ELF1: variants seen among roughly 807,000 people sequenced by gnomAD.
The protein encoded by ELF1 is ETS-related transcription factor Elf-1.
ELF1 carries 24 observed loss-of-function variants against 59.9 expected under a neutral mutation model. That is an observed-to-expected ratio of 0.40 (90% CI 0.29 to 0.56). ELF1 has a LOEUF of 0.56. Ranked by LOEUF, ELF1 falls within the 20% of genes least tolerant of loss-of-function variation. The pLI is 0.44. For missense variants in ELF1, 627 were observed against 742.2 expected (o/e 0.84, Z 1.80); for synonymous variants, 248 against 266.2 (o/e 0.93, Z 0.67).
Position 41,019,254 on chromosome 13 carries a change from T to C in ELF1, c.-255A>G. 2 of 985,426 alleles carry C rather than the reference T, an allele frequency of 2.0e-6. No individual in the cohort carries two copies. The highest frequency in any genetic ancestry group is 2.4e-6 in the Non-Finnish European group (2 of 829,936). The allele number at this position is 985,426 out of a possible 1,614,324, so 61.0% of individuals were successfully genotyped here. ...TTCAAGTATTCTTTCTCTATCGTCT[T>C]TTGAGCTTGAAAATAAAAAGCAATC... On this transcript the variant is annotated 5_prime_UTR_variant, in exon 1 of 9. Coordinates refer to ENST00000239882, the MANE Select transcript of ELF1 (RefSeq NM_172373.4).
intron 1 of ELF1, among the ~76,000 whole-genome samples, chr13:41,049,267 CT>C (rs1714128996): frequency 6.6e-6 from 1 of 152,160 alleles, no homozygotes; most frequent in South Asian, 2.1e-4. Context: ...TGACAATTCT[CT>C]TAAGTTCACC....
intron 4 of ELF1, among the ~76,000 whole-genome samples, chr13:40,950,350 T>A (rs1335335614): frequency 6.6e-6 from 1 of 152,084 alleles, no homozygotes. Flanking sequence ...AACAAAAAAA[T>A]AATCACAACC....
intron 1 of ELF1, among the ~76,000 whole-genome samples, chr13:41,057,973 G>A (rs1877350266): frequency 1.3e-5 from 2 of 152,238 alleles, no homozygotes; most frequent in Admixed American, 1.3e-4. Flanking sequence ...CCTATAAAGT[G>A]AATTCTAATT....
intron 1 of ELF1, among the ~76,000 whole-genome samples, chr13:41,059,439 CTTTT>C (rs987597811): frequency 2.6e-5 from 4 of 152,152 alleles, no homozygotes; most frequent in African/African-American, 9.7e-5. Flanking sequence ...CTTTTTCTTT[CTTTT>C]TAACAAGGTA....
intron 8 of ELF1, among the ~76,000 whole-genome samples, chr13:40,938,068 C>T (rs1249862155): frequency 1.3e-5 from 2 of 152,132 alleles, no homozygotes; most frequent in Admixed American, 6.5e-5. Context: ...CCACCCGCCT[C>T]GGCCTCCCAA....
At chr13:40,959,727 CT>C (rs1310745275) in intron 2 of ELF1, among the ~76,000 whole-genome samples, 2 of 151,592 alleles carry the variant, frequency 1.3e-5, no homozygotes, top group Non-Finnish European at 1.5e-5. Context: ...TATTATTGTT[CT>C]TTTCAAGTAT....
At position 40,950,482 on chromosome 13, in the gene ELF1, G is replaced by T. The variant is rs542452476; in HGVS notation, c.362-509C>A. On this transcript the variant is annotated intron_variant, in intron 4 of 8. Transcript: ENST00000239882. Reference sequence around the variant, plus strand: ...CACACCAAAACATCTTGATCTCAAAGATTTCATTCATTTTTTTTTTAACAG... The same window carrying T: ...CACACCAAAACATCTTGATCTCAAATATTTCATTCATTTTTTTTTTAACAG... Among the ~76,000 whole-genome samples, 6 of 145,726 alleles carry T rather than the reference G, an allele frequency of 4.1e-5. No homozygotes were observed. The South Asian group carries it at 1.1e-3, about 26-fold the overall frequency.
At chr13:41,025,540 A>G (rs1486634901) in intron 1 of ELF1, among the ~76,000 whole-genome samples, 1 of 152,200 alleles carries the variant, frequency 6.6e-6, no homozygotes, top group African/African-American at 2.4e-5. Flanking sequence ...TAAAACACGA[A>G]TCCAATCCAG....
chr13:40,961,705 G>T (rs931225253), intron 2 of ELF1, among the ~76,000 whole-genome samples: 2 of 152,180 alleles, frequency 1.3e-5, no homozygotes, highest in Non-Finnish European at 2.9e-5. Flanking sequence ...CATAAACATG[G>T]ACTTGTTAAA....
At position 41,006,465 on chromosome 13, in the gene ELF1, T is replaced by C. The variant is rs117036630; in HGVS notation, c.-229+12763A>G. Reference sequence around the variant, plus strand: ...ACTGGGGGGCAGGATGGGGAGTGAGTTGGGGAGTCTCAGAGCAGCTGCAGA... The same window carrying C: ...ACTGGGGGGCAGGATGGGGAGTGAGCTGGGGAGTCTCAGAGCAGCTGCAGA... On this transcript the variant is annotated intron_variant, in intron 1 of 8. Coordinates refer to ENST00000239882, the MANE Select transcript of ELF1 (RefSeq NM_172373.4). 2.0e-3 allele frequency among the ~76,000 whole-genome samples: 306 copies of C among 151,960 alleles called. 4 individuals are homozygous for C. The East Asian group carries it at 0.051, about 25-fold the overall frequency.
At chr13:41,024,443 C>A (rs966796165) in intron 1 of ELF1, among the ~76,000 whole-genome samples, 6 of 152,192 alleles carry the variant, frequency 3.9e-5, no homozygotes, top group Non-Finnish European at 8.8e-5. Context: ...CCCACCTCAG[C>A]CTCCTGAGTA....
intron 1 of ELF1, among the ~76,000 whole-genome samples, chr13:40,994,685 G>A (rs1874042628): frequency 6.6e-6 from 1 of 152,140 alleles, no homozygotes; most frequent in African/African-American, 2.4e-5. Flanking sequence ...ACAGTTATGA[G>A]ATACTGTTTT....
At chr13:41,049,176 CCAAGT>C (rs1876984321) in intron 1 of ELF1, among the ~76,000 whole-genome samples, 1 of 152,158 alleles carries the variant, frequency 6.6e-6, no homozygotes. Flanking sequence ...CCAGACTCTC[CCAAGT>C]CAAGTATCAA....
intron 1 of ELF1, among the ~76,000 whole-genome samples, chr13:41,048,213 C>G (rs1876939257): frequency 6.6e-6 from 1 of 152,208 alleles, no homozygotes; most frequent in Admixed American, 6.5e-5. Context: ...TTCCCTGACC[C>G]CTTGCGCTTC....
intron 1 of ELF1, among the ~76,000 whole-genome samples, chr13:40,998,408 G>A (rs543267534): frequency 1.1e-3 from 170 of 152,272 alleles, no homozygotes; most frequent in Middle Eastern, 3.4e-3. Flanking sequence ...TGTGGCCTAG[G>A]AGAACAGGCT....
At chr13:41,012,288 G>A (rs2138367404) in intron 1 of ELF1, among the ~76,000 whole-genome samples, 1 of 122,060 alleles carries the variant, frequency 8.2e-6, no homozygotes, top group African/African-American at 3.2e-5. Flanking sequence ...ACTCCAGCCT[G>A]AGCGACAGAG....
At chr13:41,010,008 A>G (rs1244581647) in intron 1 of ELF1, among the ~76,000 whole-genome samples, 7 of 150,742 alleles carry the variant, frequency 4.6e-5, no homozygotes, top group Admixed American at 4.6e-4. Flanking sequence ...ATTATTACTT[A>G]TTATATGCCC....
chr13:40,977,306 A>G (rs1175854814), intron 2 of ELF1, among the ~76,000 whole-genome samples: 6 of 152,116 alleles, frequency 3.9e-5, no homozygotes, highest in Non-Finnish European at 2.9e-5. Flanking sequence ...TGCATTCAAT[A>G]CTGATGGGGT....
At chr13:40,993,255 G>A (rs1055189188) in intron 1 of ELF1, 2 of 1,580,404 alleles carry the variant, frequency 1.3e-6, no homozygotes, top group Non-Finnish European at 8.7e-7. Context: ...AGCAACAGAT[G>A]TTGTTGGGCC....
Sources: gnomAD v4.1 joint callset for allele counts (sites outside exome capture counted in the v4.1 genomes callset) on GRCh38, gnomAD v4.1.1 for gene constraint, MANE v1.5 for transcripts, NCBI Gene and HGNC (gene_info 2026-07-23, HGNC 2026-07-21) for gene names.